Variants in IGF1R observed in about 807,000 individuals in gnomAD.
IGF1R encodes the protein insulin-like growth factor 1 receptor.
In IGF1R, 44 loss-of-function variants were observed where a neutral mutation model predicts 144.6. The observed-to-expected ratio is 0.30, with a 90% CI of 0.24 to 0.39. The LOEUF is 0.39. IGF1R is among the 10% of genes least tolerant of loss of function. The probability of loss-of-function intolerance (pLI) is 1.00; values close to 1 mark genes in which losing one functional copy is unlikely to be tolerated. For missense variants in IGF1R, 1,355 were observed against 1,833.7 expected (o/e 0.74, Z 4.77); for synonymous variants, 795 against 722.8 (o/e 1.10, Z -1.60).
intron 2 of IGF1R, among the ~76,000 whole-genome samples, chr15:98,884,201 C>A (rs115553134): frequency 6.6e-6 from 1 of 152,236 alleles, no homozygotes; most frequent in South Asian, 2.1e-4. Flanking sequence ...CTGGGTCCCC[C>A]GGGCATCCTC....
In IGF1R at chr15:98,961,734, A is replaced by AAC. The variant is rs549896822; in HGVS notation, c.*4293_*4294dup. ...CTGGTGTGTACTGGAGACACTGTTG[A>AAC]ACTTGATCAAGACCCAGACCACCCC... On this transcript the variant is annotated 3_prime_UTR_variant, in exon 21 of 21. Transcript: ENST00000650285. 827 of 233,586 alleles carry AAC rather than the reference A, an allele frequency of 3.5e-3. 3 individuals are homozygous for AAC. Among genetic ancestry groups the AAC allele is most frequent in the Non-Finnish European group, 5.4e-3 (636 of 118,038 alleles). The allele number at this position is 233,586 out of a possible 1,614,324, so 14.5% of individuals were successfully genotyped here. A position where few individuals can be genotyped will look rare whatever the true frequency, so the allele number is the denominator to read the frequency against.
At chr15:98,776,388 G>A (rs1292717549) in intron 2 of IGF1R, among the ~76,000 whole-genome samples, 1 of 152,042 alleles carries the variant, frequency 6.6e-6, no homozygotes. Flanking sequence ...GTTTTGCCAT[G>A]TTGGCCAGAC....
intron 2 of IGF1R, chr15:98,784,420 AT>A (rs1179135120): frequency 6.5e-6 from 1 of 153,918 alleles, no homozygotes; most frequent in Admixed American, 6.6e-5. Flanking sequence ...TGCTAGTAGA[AT>A]TTTTATTTTG....
At chr15:98,680,116 G>A (rs2053152402) in intron 1 of IGF1R, among the ~76,000 whole-genome samples, 1 of 152,084 alleles carries the variant, frequency 6.6e-6, no homozygotes, top group Non-Finnish European at 1.5e-5. Context: ...TAAATTTAGT[G>A]AGGCCTAGGT....
chr15:98,902,935 T>G (rs537207035), intron 5 of IGF1R, among the ~76,000 whole-genome samples: 115 of 152,264 alleles, frequency 7.6e-4, no homozygotes, highest in African/African-American at 2.7e-3. Flanking sequence ...GCATTTTACA[T>G]AGAGTAGAGC....
intron 19 of IGF1R, among the ~76,000 whole-genome samples, chr15:98,943,440 T>C (rs1245308931): frequency 6.6e-6 from 1 of 152,170 alleles, no homozygotes; most frequent in Non-Finnish European, 1.5e-5. Flanking sequence ...AATCTAACCC[T>C]CAGATTGCAG....
chr15:98,820,737 C>G (rs1298210592), intron 2 of IGF1R: 1 of 152,154 alleles, frequency 6.6e-6, no homozygotes, highest in Non-Finnish European at 1.5e-5. Context: ...CAAAAAGATT[C>G]AAACCCAAAT....
intron 1 of IGF1R, among the ~76,000 whole-genome samples, chr15:98,705,932 T>G (rs980867877): frequency 2.0e-5 from 3 of 152,238 alleles, no homozygotes; most frequent in African/African-American, 7.2e-5. Context: ...CCATCAGATC[T>G]GCTGGCACAT....
chr15:98,836,305 A>G (rs2057100232), intron 2 of IGF1R, among the ~76,000 whole-genome samples: 1 of 152,116 alleles, frequency 6.6e-6, no homozygotes, highest in South Asian at 2.1e-4. Flanking sequence ...AACCAAGACA[A>G]ATCTCTTAAA....
At chr15:98,795,564 G>A (rs976387530) in intron 2 of IGF1R, among the ~76,000 whole-genome samples, 7 of 152,018 alleles carry the variant, frequency 4.6e-5, no homozygotes, top group Admixed American at 6.6e-5. Flanking sequence ...GCAGGCACCC[G>A]CAACCACCCC....
In IGF1R at chr15:98,721,660, C is replaced by T. The variant is rs1323102263; in HGVS notation, c.640+13553C>T. On this transcript the variant is annotated intron_variant, in intron 2 of 20. Coordinates refer to ENST00000650285, the MANE Select transcript of IGF1R (RefSeq NM_000875.5). ...ACCTGTTTACATTTTGTATCCTGGACACCAATCTTGCCTTGCTCTGGTGCT... is the reference window on the plus strand; with the variant it reads ...ACCTGTTTACATTTTGTATCCTGGATACCAATCTTGCCTTGCTCTGGTGCT... 2.0e-5 allele frequency among the ~76,000 whole-genome samples: 3 copies of T among 152,196 alleles called. No individual in the cohort carries two copies. The East Asian group carries it at 5.8e-4, about 29-fold the overall frequency.
intron 1 of IGF1R, among the ~76,000 whole-genome samples, chr15:98,687,379 TGTGTACTCG>T (rs1244628708): frequency 1.3e-5 from 2 of 152,158 alleles, no homozygotes; most frequent in African/African-American, 4.8e-5. Flanking sequence ...CTGGGAAGCA[TGTGTACTCG>T]GTGTCTTGGA....
intron 2 of IGF1R, among the ~76,000 whole-genome samples, chr15:98,851,834 A>G (rs948979590): frequency 3.3e-5 from 5 of 152,184 alleles, no homozygotes; most frequent in Admixed American, 6.5e-5. Flanking sequence ...GCCTAATATC[A>G]TCATGTTTCT....
At chr15:98,715,445 C>A (rs2054090875) in intron 2 of IGF1R, among the ~76,000 whole-genome samples, 1 of 152,172 alleles carries the variant, frequency 6.6e-6, no homozygotes, top group Admixed American at 6.5e-5. Context: ...ATATCTGGAG[C>A]CCCTTCAGCT....
chr15:98,905,139 C>T (rs1431850000), intron 5 of IGF1R, among the ~76,000 whole-genome samples: 5 of 152,116 alleles, frequency 3.3e-5, no homozygotes, highest in Non-Finnish European at 7.4e-5. Context: ...TGCTCTGAAC[C>T]GTGTACCTGG....
In IGF1R at chr15:98,829,814, C is replaced by CTAGAATT. The variant is rs141402550; in HGVS notation, c.641-61510_641-61504dup. Among the ~76,000 whole-genome samples the CTAGAATT allele has an allele frequency of 4.6e-5, 7 of 152,312 alleles. No individual in the cohort carries two copies. In the East Asian group the frequency reaches 1.3e-3, roughly 29 times the overall value. On this transcript the variant is annotated intron_variant, in intron 2 of 20. Coordinates refer to ENST00000650285, the MANE Select transcript of IGF1R (RefSeq NM_000875.5). ...GAGACCAGGTCATCTCAGAAATGGA[C>CTAGAATT]TAGAATTGACCACTGCTATGTTTTG...
At position 98,959,547 on chromosome 15, in the gene IGF1R, C is replaced by T. The variant is rs781228624; in HGVS notation, c.*2105C>T. ...CACAGACGCCACGGTGGCCCAAGAG[C>T]CCCTTTGCTTCTTGCTGGGGGACCA... On this transcript the variant is annotated 3_prime_UTR_variant, in exon 21 of 21. Coordinates refer to ENST00000650285, the MANE Select transcript of IGF1R (RefSeq NM_000875.5). 2.2e-4 allele frequency: 52 copies of T among 233,460 alleles called. No individual in the cohort carries two copies. The highest frequency in any genetic ancestry group is 3.7e-4 in the Non-Finnish European group (44 of 118,018). The allele number at this position is 233,460 out of a possible 1,614,324, so 14.5% of individuals were successfully genotyped here. A position where few individuals can be genotyped will look rare whatever the true frequency, so the allele number is the denominator to read the frequency against.
chr15:98,758,517 A>C (rs926272677), intron 2 of IGF1R, among the ~76,000 whole-genome samples: 1 of 152,196 alleles, frequency 6.6e-6, no homozygotes, highest in Non-Finnish European at 1.5e-5. Context: ...TGTGCCGCTG[A>C]GTTGCTCTGT....
At chr15:98,650,321 C>T (rs1391013543) in intron 1 of IGF1R, among the ~76,000 whole-genome samples, 1 of 152,200 alleles carries the variant, frequency 6.6e-6, no homozygotes. Flanking sequence ...TTGCCCGTCA[C>T]TTTGGCCCGC....
Sources: allele counts gnomAD v4.1 joint callset (sites outside exome capture counted in the v4.1 genomes callset), GRCh38; gene constraint gnomAD v4.1.1; transcripts MANE v1.5; gene names NCBI Gene and HGNC (gene_info 2026-07-23, HGNC 2026-07-21).